Variants in MED13L observed in about 807,000 individuals in gnomAD.
MED13L encodes mediator complex subunit 13L, also known as mediator of RNA polymerase II transcription subunit 13-like.
A neutral mutation model predicts 220.9 loss-of-function variants in MED13L; 7 were observed. The observed-to-expected ratio is 0.03, with a 90% CI of 0.02 to 0.06. The LOEUF is 0.06. Ranked by LOEUF, MED13L falls within the 10% of genes least tolerant of loss-of-function variation. The pLI, the probability that MED13L is intolerant of heterozygous loss-of-function variation, is 1.00. For synonymous variants in MED13L, 1,011 were observed against 1,015.2 expected, an observed-to-expected ratio of 1.00 and a Z score of 0.08; for missense variants, 1,965 against 2,760.5, an observed-to-expected ratio of 0.71 and a Z score of 6.46.
chr12:116,079,608 C>T (rs986506710), intron 4 of MED13L, among the ~76,000 whole-genome samples: 18 of 151,874 alleles, frequency 1.2e-4, no homozygotes, highest in African/African-American at 4.1e-4. Context: ...GCGTGATCAC[C>T]GCTCATTGCA....
intron 14 of MED13L, among the ~76,000 whole-genome samples, chr12:116,001,091 TTTC>T (rs986513190): frequency 3.3e-5 from 5 of 152,364 alleles, no homozygotes; most frequent in Non-Finnish European, 4.4e-5. Flanking sequence ...TTAAAATTAA[TTTC>T]TTTTTTTAAA....
At chr12:115,992,526 A>C (rs1878132572) in intron 16 of MED13L, among the ~76,000 whole-genome samples, 1 of 152,234 alleles carries the variant, frequency 6.6e-6, no homozygotes, top group Admixed American at 6.5e-5. Flanking sequence ...TTCAAAATGC[A>C]GCCCTATCTA....
chr12:116,185,337 C>T (rs1880810512), intron 2 of MED13L, among the ~76,000 whole-genome samples: 1 of 151,406 alleles, frequency 6.6e-6, no homozygotes, highest in Non-Finnish European at 1.5e-5. Context: ...ATCACTATAA[C>T]ACAAGTTCAT....
intron 4 of MED13L, among the ~76,000 whole-genome samples, chr12:116,048,809 T>C (rs1038740073): frequency 2.0e-5 from 3 of 152,208 alleles, no homozygotes; most frequent in Non-Finnish European, 2.9e-5. Flanking sequence ...ATTACCGTTA[T>C]TGATTTCCAT....
intron 2 of MED13L, among the ~76,000 whole-genome samples, chr12:116,146,811 T>A (rs575327515): frequency 6.6e-6 from 1 of 151,920 alleles, no homozygotes; most frequent in Admixed American, 6.6e-5. Flanking sequence ...AAAGTTGCAG[T>A]GAGCCAAGAT....
intron 2 of MED13L, among the ~76,000 whole-genome samples, chr12:116,177,189 T>C (rs1880136676): frequency 6.6e-6 from 1 of 152,074 alleles, no homozygotes; most frequent in Admixed American, 6.6e-5. Context: ...ATCAACTTCC[T>C]AGAACGCTAA....
chr12:116,187,683 G>C (rs1880986231), intron 2 of MED13L, among the ~76,000 whole-genome samples: 1 of 152,016 alleles, frequency 6.6e-6, no homozygotes, highest in Non-Finnish European at 1.5e-5. Flanking sequence ...GGGATGTATA[G>C]AAGTGAGTAT....
chr12:116,133,326 A>G (rs986630378), intron 2 of MED13L, among the ~76,000 whole-genome samples: 3 of 152,202 alleles, frequency 2.0e-5, no homozygotes, highest in Non-Finnish European at 2.9e-5. Flanking sequence ...TAAAAGTCCA[A>G]TATTGAGTTT....
At chr12:116,061,481 A>G (rs1457839250) in intron 4 of MED13L, among the ~76,000 whole-genome samples, 3 of 152,184 alleles carry the variant, frequency 2.0e-5, no homozygotes, top group Non-Finnish European at 4.4e-5. Context: ...TCAGTTTTCA[A>G]TGCTACAAAG....
At chr12:116,263,082 A>G (rs969750288) in intron 1 of MED13L, among the ~76,000 whole-genome samples, 1 of 152,170 alleles carries the variant, frequency 6.6e-6, no homozygotes, top group Non-Finnish European at 1.5e-5. Context: ...TAAGATGAAG[A>G]TTCATGCTCT....
At chr12:116,220,777 A>G (rs1883263735) in intron 2 of MED13L, among the ~76,000 whole-genome samples, 1 of 152,210 alleles carries the variant, frequency 6.6e-6, no homozygotes, top group Admixed American at 6.5e-5. Flanking sequence ...TATATGGTCT[A>G]TTAACCTGAG....
chr12:116,020,693 T>C (rs537783740), intron 5 of MED13L, among the ~76,000 whole-genome samples: 128 of 152,320 alleles, frequency 8.4e-4, no homozygotes, highest in African/African-American at 3.0e-3. Context: ...TTGACCTTGA[T>C]GGCATTTTCA....
intron 23 of MED13L, among the ~76,000 whole-genome samples, chr12:115,978,632 T>G (rs1333704948): frequency 2.6e-5 from 4 of 152,182 alleles, no homozygotes; most frequent in African/African-American, 9.7e-5. Context: ...CGGCCTGAAC[T>G]GTAAAATTTT....
chr12:115,968,062 C>T (rs572156062), intron 28 of MED13L, among the ~76,000 whole-genome samples: 5 of 134,122 alleles, frequency 3.7e-5, no homozygotes, highest in Non-Finnish European at 6.5e-5. Flanking sequence ...GTCCCCCCCC[C>T]CCCCCGATGA....
chr12:116,271,750 C>T (rs60282690), intron 1 of MED13L, among the ~76,000 whole-genome samples: 1 of 152,230 alleles, frequency 6.6e-6, no homozygotes, highest in Admixed American at 6.5e-5. Flanking sequence ...AACAATGTTG[C>T]ATGTATTTTT....
chr12:116,072,618 AT>A (rs1870474353), intron 4 of MED13L, among the ~76,000 whole-genome samples: 1 of 152,024 alleles, frequency 6.6e-6, no homozygotes, highest in African/African-American at 2.4e-5. Context: ...TGCCCGGCTA[AT>A]TTTTGTATTT....
In MED13L at chr12:115,997,145, A is replaced by G. The variant is rs780761206; in HGVS notation, c.2655T>C (p.Asp885=). ...CTGTCACTGTCTCTGAGCTGATCCCATCTTTATAATTCATCACAGGAGAAA... is the reference window on the plus strand; with the variant it reads ...CTGTCACTGTCTCTGAGCTGATCCCGTCTTTATAATTCATCACAGGAGAAA... ...PAFSPVMNYK[D]GISSETVTAL... Residue 885 remains aspartate (D), a synonymous_variant, in exon 15 of 31, where the codon GAT becomes GAC. Transcript: ENST00000281928. The G allele has an allele frequency of 9.9e-6, 16 of 1,613,986 alleles. No homozygotes were observed. Among genetic ancestry groups the G allele is most frequent in the Non-Finnish European group, 1.4e-5 (16 of 1,179,980 alleles).
At chr12:116,054,207 C>CAA (rs1475436570) in intron 4 of MED13L, among the ~76,000 whole-genome samples, 8 of 148,202 alleles carry the variant, frequency 5.4e-5, no homozygotes, top group Non-Finnish European at 1.2e-4. Flanking sequence ...CACACACACA[C>CAA]ACACAAACAC....
intron 16 of MED13L, 110 bp downstream of exon 16, chr12:115,996,366 A>C: frequency 8.1e-7 from 1 of 1,241,726 alleles, no homozygotes; most frequent in Non-Finnish European, 1.2e-6. Flanking sequence ...TGCTGGGATT[A>C]CAGGCATGAG....
Sources: gnomAD v4.1 joint callset for allele counts (sites outside exome capture counted in the v4.1 genomes callset) on GRCh38, gnomAD v4.1.1 for gene constraint, MANE v1.5 for transcripts, NCBI Gene and HGNC (gene_info 2026-07-23, HGNC 2026-07-21) for gene names.